The following MEF2A variants were observed in gnomAD, a reference collection of about 807,000 sequenced individuals.
MEF2A encodes myocyte-specific enhancer factor 2A.
MEF2A carries 28 observed loss-of-function variants against 55.8 expected under a neutral mutation model. The ratio of observed to expected loss-of-function variants is 0.50; its 90% CI spans 0.37 to 0.69. The LOEUF is 0.69. Among genes scored for constraint, MEF2A ranks in the 30% least tolerant of loss-of-function variants. The pLI is 0.00. For synonymous variants in MEF2A, 239 were observed against 227.1 expected, an observed-to-expected ratio of 1.05 and a Z score of -0.47; for missense variants, 528 against 626.2, an observed-to-expected ratio of 0.84 and a Z score of 1.67.
intron 4 of MEF2A, among the ~76,000 whole-genome samples, chr15:99,647,360 A>G (rs1357470334): frequency 6.6e-6 from 1 of 150,962 alleles, no homozygotes; most frequent in Non-Finnish European, 1.5e-5. Flanking sequence ...ACTCAAACCA[A>G]TGGAGCTGAC....
chr15:99,608,958 A>G (rs1158495976), intron 2 of MEF2A, among the ~76,000 whole-genome samples: 1 of 152,106 alleles, frequency 6.6e-6, no homozygotes, highest in Non-Finnish European at 1.5e-5. Flanking sequence ...AGGTACCAGT[A>G]TTCAGTATTT....
chr15:99,716,151 A>G lies in MEF2A; in HGVS notation c.*3380A>G, dbSNP rs2059131262. On this transcript the variant is annotated 3_prime_UTR_variant, in exon 12 of 12. Coordinates refer to ENST00000557942, the MANE Select transcript of MEF2A (RefSeq NM_001319206.4). ...GAAACTTTCTTCACTTTGCTGTGCA[A>G]GAAGACACTGCTTTGCTATATTTAA... 1 of 166,136 alleles carries G rather than the reference A, an allele frequency of 6.0e-6. No homozygotes were observed. Among genetic ancestry groups the G allele is most frequent in the South Asian group, 1.5e-4 (1 of 6,842 alleles). The allele number at this position is 166,136 out of a possible 1,614,324, so 10.3% of individuals were successfully genotyped here. A position where few individuals can be genotyped will look rare whatever the true frequency, so the allele number is the denominator to read the frequency against.
At chr15:99,577,981 G>A (rs1165343176) in intron 1 of MEF2A, among the ~76,000 whole-genome samples, 4 of 152,166 alleles carry the variant, frequency 2.6e-5, no homozygotes, top group Admixed American at 2.0e-4. Flanking sequence ...TATTACTAAT[G>A]ACGTTAATCT....
chr15:99,575,584 C>A (rs992404072), intron 1 of MEF2A, among the ~76,000 whole-genome samples: 1 of 152,154 alleles, frequency 6.6e-6, no homozygotes, highest in African/African-American at 2.4e-5. Flanking sequence ...TGCTAGTTTT[C>A]TCTATTACAA....
intron 5 of MEF2A, 81 bp downstream of exon 5, chr15:99,671,535 G>A (rs763955639): frequency 6.2e-7 from 1 of 1,613,728 alleles, no homozygotes; most frequent in Admixed American, 1.7e-5. Flanking sequence ...GAACAAGAAG[G>A]AACACAGAGG....
At chr15:99,685,236 T>C (rs1160506548) in intron 7 of MEF2A, among the ~76,000 whole-genome samples, 1 of 152,108 alleles carries the variant, frequency 6.6e-6, no homozygotes, top group African/African-American at 2.4e-5. Context: ...TGAAGAATGA[T>C]GGTGGTATTT....
At chr15:99,622,769 C>T (rs192079907) in intron 2 of MEF2A, among the ~76,000 whole-genome samples, 247 of 143,746 alleles carry the variant, frequency 1.7e-3, no homozygotes, top group African/African-American at 5.2e-3. Flanking sequence ...GTGGCGTGAT[C>T]TTGGCTCACT....
intron 2 of MEF2A, among the ~76,000 whole-genome samples, chr15:99,615,327 A>T (rs1429777378): frequency 4.6e-5 from 7 of 152,218 alleles, no homozygotes; most frequent in Non-Finnish European, 1.0e-4. Context: ...CTTAACAGCA[A>T]CTTGAGTGCA....
intron 3 of MEF2A, among the ~76,000 whole-genome samples, chr15:99,638,895 C>T (rs2044377965): frequency 6.6e-6 from 1 of 152,112 alleles, no homozygotes; most frequent in African/African-American, 2.4e-5. Flanking sequence ...TTAGCATCTC[C>T]AGTCTTCCTG....
chr15:99,704,456 A>G (rs965952439), intron 9 of MEF2A, among the ~76,000 whole-genome samples: 1 of 152,240 alleles, frequency 6.6e-6, no homozygotes, highest in African/African-American at 2.4e-5. Context: ...TGATCAGTAA[A>G]TGAGAGTTTA....
chr15:99,579,286 G>GT (rs200517628), intron 1 of MEF2A, among the ~76,000 whole-genome samples: 14 of 148,778 alleles, frequency 9.4e-5, no homozygotes, highest in South Asian at 4.3e-4. Context: ...TTGGCTTATA[G>GT]TTTTTTTTTC....
Position 99,716,314 on chromosome 15 carries a change from C to A in MEF2A, c.*3543C>A. 2.9e-6 allele frequency: 1 copy of A among 347,916 alleles called. No homozygotes were observed. The highest frequency in any genetic ancestry group is 2.2e-5 in the South Asian group (1 of 44,812). The allele number at this position is 347,916 out of a possible 1,614,324, so 21.6% of individuals were successfully genotyped here. A position where few individuals can be genotyped will look rare whatever the true frequency, so the allele number is the denominator to read the frequency against. On this transcript the variant is annotated 3_prime_UTR_variant, in exon 12 of 12. Coordinates refer to ENST00000557942, the MANE Select transcript of MEF2A (RefSeq NM_001319206.4). ...ACTTTGTTGCCATCCTTGAGATGAA[C>A]CTTTTAAGAAAAATAAGTTAATCTC...
At chr15:99,617,914 A>T (rs2040477725) in intron 2 of MEF2A, among the ~76,000 whole-genome samples, 1 of 152,172 alleles carries the variant, frequency 6.6e-6, no homozygotes, top group South Asian at 2.1e-4. Flanking sequence ...TTGAACCCAA[A>T]GGAATATGAA....
chr15:99,606,809 A>G (rs1007728333), intron 2 of MEF2A, among the ~76,000 whole-genome samples: 2 of 152,192 alleles, frequency 1.3e-5, no homozygotes, highest in Non-Finnish European at 2.9e-5. Flanking sequence ...CCTGTGATGC[A>G]TTAATTTCTT....
At chr15:99,603,559 G>GTGTGTGTGTGTGTGTGTGTGTA (rs1974070712) in intron 2 of MEF2A, among the ~76,000 whole-genome samples, 2 of 150,916 alleles carry the variant, frequency 1.3e-5, no homozygotes, top group Non-Finnish European at 3.0e-5. Flanking sequence ...GTGTGTGTGT[G>GTGTGTGTGTGTGTGTGTGTGTA]TGTGTGTGTG....
intron 2 of MEF2A, among the ~76,000 whole-genome samples, chr15:99,606,750 A>T (rs1975285161): frequency 6.6e-6 from 1 of 152,202 alleles, no homozygotes; most frequent in Non-Finnish European, 1.5e-5. Flanking sequence ...AGAGGATGTT[A>T]GGTTATGGGA....
chr15:99,614,267 T>C (rs1001882199), intron 2 of MEF2A, among the ~76,000 whole-genome samples: 47 of 152,346 alleles, frequency 3.1e-4, no homozygotes, highest in African/African-American at 1.1e-3. Context: ...TAACTTCTTT[T>C]TTTTTGGAGA....
At chr15:99,708,067 A>C (rs899870863) in intron 10 of MEF2A, among the ~76,000 whole-genome samples, 3 of 152,244 alleles carry the variant, frequency 2.0e-5, no homozygotes, top group African/African-American at 4.8e-5. Context: ...AGTGCCTTGC[A>C]CAGAACAAGG....
rs1033324326 is a variant in MEF2A, at chr15:99,712,187, C to A, written c.1137-203C>A. 1.3e-5 allele frequency among the ~76,000 whole-genome samples: 2 copies of A among 152,280 alleles called. No individual in the cohort carries two copies. Among genetic ancestry groups the A allele is most frequent in the Non-Finnish European group, 2.9e-5 (2 of 68,022 alleles). On this transcript the variant is annotated intron_variant, in intron 11 of 11. Transcript: ENST00000557942. The surrounding 1 kb of genome is among the most constrained non-coding windows in gnomAD (Gnocchi z 4.1). ...AGAACCAAGTAACGTAAGGGCTCAA[C>A]GGTACTGTTTTCTTTCCTCCTAGGA...
Sources: gnomAD v4.1 joint callset for allele counts (sites outside exome capture counted in the v4.1 genomes callset) on GRCh38, gnomAD v4.1.1 for gene constraint, Gnocchi (gnomAD v3.1) non-coding constraint, MANE v1.5 for transcripts, NCBI Gene and HGNC (gene_info 2026-07-23, HGNC 2026-07-21) for gene names.